The following PCDHA3 variants were observed in gnomAD, a reference collection of about 807,000 sequenced individuals.
The protein encoded by PCDHA3 is protocadherin alpha-3.
A neutral mutation model predicts 62.2 loss-of-function variants in PCDHA3; 41 were observed. That is an observed-to-expected ratio of 0.66 (90% CI 0.51 to 0.86). PCDHA3 has a LOEUF of 0.86. PCDHA3 is among the 40% of genes least tolerant of loss of function. PCDHA3 has a pLI of 0.00. For synonymous variants in PCDHA3, 640 were observed against 555.4 expected, an observed-to-expected ratio of 1.15 and a Z score of -2.14; for missense variants, 1,304 against 1,241.2, an observed-to-expected ratio of 1.05 and a Z score of -0.76.
At chr5:140,992,205 T>C (rs2097498733) in intron 3 of PCDHA3, among the ~76,000 whole-genome samples, 1 of 152,186 alleles carries the variant, frequency 6.6e-6, no homozygotes, top group South Asian at 2.1e-4. Flanking sequence ...TCCAATCAGA[T>C]AAACTACTCT....
chr5:140,809,234 T>C lies in PCDHA3; in HGVS notation c.2394+5643T>C, dbSNP rs782288088. 6.2e-6 allele frequency: 10 copies of C among 1,613,892 alleles called. No individual in the cohort carries two copies. The Admixed American group carries it at 6.7e-5, about 11-fold the overall frequency. The stretch of plus-strand genomic sequence containing the variant: ...GGCGCCAAAGGCCTCCTCACGGGCG[T>C]TGGTGGGCGCTGTGGGTCCCGATGC... On this transcript the variant is annotated intron_variant, in intron 1 of 3. Coordinates refer to ENST00000522353, the MANE Select transcript of PCDHA3 (RefSeq NM_018906.3).
At position 140,802,466 on chromosome 5, in the gene PCDHA3, G is replaced by A. The variant is rs369370191; in HGVS notation, c.1269G>A (p.Leu423=). Residue 423 remains leucine, a synonymous_variant, in exon 1 of 4, where the codon CTG becomes CTA. Transcript: ENST00000522353. The part of the protein sequence containing the change: ...LDRESVSAYE[L]VVTARDGGSP... ...GCGAGAGCGTGTCGGCCTATGAGCT[G>A]GTGGTGACTGCTCGGGACGGGGGCT... The A allele has an allele frequency of 8.7e-6, 14 of 1,614,230 alleles. No homozygotes were observed. The highest frequency in any genetic ancestry group is 1.1e-5 in the Non-Finnish European group (13 of 1,180,040).
intron 1 of PCDHA3, chr5:140,830,578 T>C: frequency 1.2e-6 from 1 of 823,976 alleles, no homozygotes; most frequent in Non-Finnish European, 1.7e-6. Flanking sequence ...TTTTTAATTT[T>C]TAATTAATTT....
intron 1 of PCDHA3, chr5:140,969,003 G>A: frequency 6.2e-7 from 1 of 1,614,226 alleles, no homozygotes; most frequent in Admixed American, 1.7e-5. Context: ...GGAGGCTTCT[G>A]TGGAGTAAGG....
At chr5:140,958,995 T>G (rs868959473) in intron 1 of PCDHA3, among the ~76,000 whole-genome samples, 1 of 152,148 alleles carries the variant, frequency 6.6e-6, no homozygotes, top group African/African-American at 2.4e-5. Flanking sequence ...TGCTAATCTT[T>G]TACTGTACCT....
At chr5:140,893,327 GT>G (rs2063928643) in intron 1 of PCDHA3, among the ~76,000 whole-genome samples, 1 of 152,164 alleles carries the variant, frequency 6.6e-6, no homozygotes, top group Non-Finnish European at 1.5e-5. Flanking sequence ...CTCCCATACT[GT>G]TTTCCTTAGT....
At chr5:140,904,440 A>G (rs1455600144) in intron 1 of PCDHA3, among the ~76,000 whole-genome samples, 1 of 151,204 alleles carries the variant, frequency 6.6e-6, no homozygotes, top group Non-Finnish European at 1.5e-5. Flanking sequence ...TATGTATATT[A>G]CAATTTCTTT....
chr5:140,903,211 C>T (rs1457584095), intron 1 of PCDHA3, among the ~76,000 whole-genome samples: 1 of 152,174 alleles, frequency 6.6e-6, no homozygotes, highest in African/African-American at 2.4e-5. Context: ...TCACCACATT[C>T]ATGCCAACAT....
intron 3 of PCDHA3, among the ~76,000 whole-genome samples, chr5:141,000,411 A>T (rs2097918603): frequency 1.1e-5 from 1 of 94,870 alleles, no homozygotes; most frequent in African/African-American, 4.4e-5. Flanking sequence ...ATATATATAT[A>T]TATATATATA....
rs782659406 is a variant in PCDHA3 at position 140,802,694 on chromosome 5, G to T, written c.1497G>T (p.Val499=). 8.1e-6 allele frequency: 13 copies of T among 1,612,620 alleles called. No individual in the cohort carries two copies. The Admixed American group carries it at 1.2e-4, about 14-fold the overall frequency. The change falls in exon 1 of 4, where the codon GTG becomes GTT. Residue 499 remains valine (V), a synonymous_variant. Coordinates refer to ENST00000522353, the MANE Select transcript of PCDHA3 (RefSeq NM_018906.3). ...LVSYSLVERR[V]GERALSSYVS... is the part of the protein sequence containing the mutation. ...CCTACTCGCTGGTGGAACGGCGGGT[G>T]GGGGAGCGCGCGCTGTCGAGCTACG... is the stretch of plus-strand genomic sequence containing the variant.
intron 1 of PCDHA3, chr5:140,929,152 T>TA (rs1322546333): frequency 2.5e-6 from 4 of 1,614,072 alleles, no homozygotes; most frequent in Non-Finnish European, 3.4e-6. Flanking sequence ...TTCTCAGACT[T>TA]ATCTCTATCG....
At chr5:140,868,974 C>G in intron 1 of PCDHA3, 1 of 1,471,886 alleles carries the variant, frequency 6.8e-7, no homozygotes, top group Non-Finnish European at 9.1e-7. Flanking sequence ...GGAACTCCAT[C>G]ATACCGGATG....
At chr5:140,998,095 CA>C (rs1482651958) in intron 3 of PCDHA3, among the ~76,000 whole-genome samples, 1 of 152,106 alleles carries the variant, frequency 6.6e-6, no homozygotes, top group Non-Finnish European at 1.5e-5. Flanking sequence ...AATGCTAGAG[CA>C]AACAGAGGAG....
chr5:140,841,400 G>T, intron 1 of PCDHA3: 1 of 1,613,214 alleles, frequency 6.2e-7, no homozygotes, highest in African/African-American at 1.3e-5. Flanking sequence ...CTGGAAGGTG[G>T]GGAGCGGCCA....
At chr5:140,856,513 C>A (rs17844340) in intron 1 of PCDHA3, 3 of 1,598,242 alleles carry the variant, frequency 1.9e-6, no homozygotes, top group Non-Finnish European at 2.6e-6. Flanking sequence ...CACTAGAAGG[C>A]GCATCTGATG....
intron 1 of PCDHA3, among the ~76,000 whole-genome samples, chr5:140,855,144 C>A (rs573799171): frequency 1.3e-5 from 2 of 149,748 alleles, no homozygotes; most frequent in South Asian, 4.2e-4. Context: ...CCTGATGAGC[C>A]AAATTTGGTA....
intron 1 of PCDHA3, chr5:140,926,959 G>A: frequency 6.2e-7 from 1 of 1,604,022 alleles, no homozygotes; most frequent in Non-Finnish European, 8.5e-7. Context: ...GGGACAGCTC[G>A]AGTACTCAGT....
At chr5:140,996,036 C>T (rs1324761666) in intron 3 of PCDHA3, among the ~76,000 whole-genome samples, 1 of 152,190 alleles carries the variant, frequency 6.6e-6, no homozygotes, top group Non-Finnish European at 1.5e-5. Context: ...GCTCCTAGCA[C>T]TTAACACAGT....
intron 1 of PCDHA3, among the ~76,000 whole-genome samples, chr5:140,921,089 T>C (rs2080011859): frequency 6.6e-6 from 1 of 151,966 alleles, no homozygotes; most frequent in African/African-American, 2.4e-5. Context: ...AAGAGAATCC[T>C]CCTGCCTCAG....
Sources: gnomAD v4.1 joint callset for allele counts (sites outside exome capture counted in the v4.1 genomes callset) on GRCh38, gnomAD v4.1.1 for gene constraint, MANE v1.5 for transcripts, NCBI Gene and HGNC (gene_info 2026-07-23, HGNC 2026-07-21) for gene names.